Variants in TNFAIP8 observed in about 807,000 individuals in gnomAD.
TNFAIP8 encodes the protein TNF alpha induced protein 8.
A neutral mutation model predicts 13.3 loss-of-function variants in TNFAIP8; 7 were observed. The ratio of observed to expected loss-of-function variants is 0.52; its 90% CI spans 0.30 to 0.99. The LOEUF is 0.99. Ranked by LOEUF, TNFAIP8 falls within the 50% of genes least tolerant of loss-of-function variation. The pLI is 0.07. For missense variants in TNFAIP8, 258 were observed against 236.9 expected, an observed-to-expected ratio of 1.09 and a Z score of -0.58; for synonymous variants, 94 against 87.6, an observed-to-expected ratio of 1.07 and a Z score of -0.41.
intron 1 of TNFAIP8, among the ~76,000 whole-genome samples, chr5:119,270,935 G>A (rs1238550532): frequency 6.6e-6 from 1 of 152,210 alleles, no homozygotes; most frequent in East Asian, 1.9e-4. Context: ...CTTTTACTCC[G>A]TGTACCTTTT....
At position 119,393,225 on chromosome 5, in the gene TNFAIP8, C is replaced by G; in HGVS notation, c.441C>G (p.Leu147=). The change falls in exon 2 of 2, where the codon CTC becomes CTG. Residue 147 remains leucine, a synonymous_variant. Transcript: ENST00000504771. ...TGCACCAAATCATTCAGCGCCACCT[C>G]ACTGCCAAGTCACATGGACGGGTTA... ...EMLHQIIQRH[L]TAKSHGRVNN... The G allele has an allele frequency of 6.2e-7, 1 of 1,614,036 alleles. No individual in the cohort carries two copies.
chr5:119,297,691 A>G (rs1485888816), intron 1 of TNFAIP8, among the ~76,000 whole-genome samples: 1 of 152,098 alleles, frequency 6.6e-6, no homozygotes, highest in Non-Finnish European at 1.5e-5. Context: ...GATCTGTCTA[A>G]TGTTGACAGT....
chr5:119,291,404 T>G, intron 1 of TNFAIP8, among the ~76,000 whole-genome samples: 1 of 152,270 alleles, frequency 6.6e-6, no homozygotes, highest in Non-Finnish European at 1.5e-5. Context: ...AGGGAGCAAT[T>G]GCAGTGGATT....
At chr5:119,387,390 C>T (rs1013089783) in intron 1 of TNFAIP8, among the ~76,000 whole-genome samples, 5 of 152,110 alleles carry the variant, frequency 3.3e-5, no homozygotes, top group Admixed American at 6.6e-5. Context: ...AAACCTGGAT[C>T]GAGTTTTAAC....
At chr5:119,296,060 T>G (rs1447016132) in intron 1 of TNFAIP8, among the ~76,000 whole-genome samples, 4 of 147,098 alleles carry the variant, frequency 2.7e-5, no homozygotes, top group East Asian at 2.0e-4. Flanking sequence ...TATACAATCA[T>G]GTCATCTGCA....
rs542324685 is a variant in TNFAIP8 at position 119,344,181 on chromosome 5, G to A, written c.2-48635G>A. ...TGATTCTGCAGGCTATGCAAGCATG[G>A]CACCAGCATCTGCTCAGTTTCTGTT... On this transcript the variant is annotated intron_variant, in intron 1 of 1. Coordinates refer to the TNFAIP8 transcript ENST00000274456. Among the ~76,000 whole-genome samples the A allele has an allele frequency of 2.2e-4, 33 of 152,318 alleles. No homozygotes were observed. The East Asian group carries it at 5.6e-3, about 26-fold the overall frequency.
chr5:119,333,103 GTTT>G, intron 1 of TNFAIP8: 2 of 624,432 alleles, frequency 3.2e-6, no homozygotes, highest in Non-Finnish European at 3.9e-6. Flanking sequence ...CTTTTTTTTA[GTTT>G]TTTTTTTTTT....
At chr5:119,391,416 A>G (rs1318240712) in intron 1 of TNFAIP8, 3 of 702,416 alleles carry the variant, frequency 4.3e-6, no homozygotes, top group South Asian at 1.5e-5. Flanking sequence ...CACTCGACTC[A>G]GAGATTGAGT....
In TNFAIP8 at chr5:119,397,067, T is replaced by G. The variant is rs1753090825; in HGVS notation, c.*3686T>G. ...ACAGAAATATTGCGTTTTAAACTCT[T>G]ATATAATAGTATGCCATTCACAATT... is the stretch of plus-strand genomic sequence containing the variant. On this transcript the variant is annotated 3_prime_UTR_variant, in exon 2 of 2. Transcript: ENST00000504771. 1 of 151,428 alleles carries G rather than the reference T, an allele frequency of 6.6e-6. No individual in the cohort carries two copies. Among genetic ancestry groups the G allele is most frequent in the Non-Finnish European group, 1.5e-5 (1 of 67,908 alleles). 9.4% of individuals were successfully genotyped at this position (151,428 alleles called of 1,614,324 possible).
Position 119,392,871 on chromosome 5 carries a change from C to T in TNFAIP8, c.87C>T (p.Ile29=), listed in dbSNP as rs909388946. The T allele has an allele frequency of 6.4e-7, 1 of 1,569,812 alleles. No homozygotes were observed. Among genetic ancestry groups the T allele is most frequent in the Non-Finnish European group, 8.6e-7 (1 of 1,157,852 alleles). The change falls in exon 2 of 2, where the codon ATC becomes ATT. Residue 29 remains isoleucine, a synonymous_variant. Transcript: ENST00000504771. ...KNLAVQAQKK[I]LGKMVSKSIA... ...TGGCCGTTCAGGCACAAAAGAAGAT[C>T]TTGGGTAAAATGGTGTCCAAATCCA...
chr5:119,384,396 T>C (rs576549539), intron 1 of TNFAIP8, among the ~76,000 whole-genome samples: 4 of 152,094 alleles, frequency 2.6e-5, no homozygotes, highest in Non-Finnish European at 5.9e-5. Context: ...GGCAGGACAG[T>C]TGCTTGAAGC....
chr5:119,392,795 CCT>C lies in TNFAIP8; in HGVS notation c.32-16_32-15del. 6.7e-7 allele frequency: 1 copy of C among 1,483,594 alleles called. No homozygotes were observed. Among genetic ancestry groups the C allele is most frequent in the Non-Finnish European group, 9.0e-7 (1 of 1,111,182 alleles). 91.9% of individuals were successfully genotyped at this position (1,483,594 alleles called of 1,614,324 possible). A position where few individuals can be genotyped will look rare whatever the true frequency, so the allele number is the denominator to read the frequency against. ...ATATTTACTAATTGTTAATTCTTTT[CCT>C]CTCTTTTTTTTTTTTTAGTGGCCAC... On this transcript the variant is annotated intron_variant, in intron 1 of 1. Transcript: ENST00000504771.
intron 1 of TNFAIP8, among the ~76,000 whole-genome samples, chr5:119,368,747 C>T (rs1288517672): frequency 6.6e-6 from 1 of 152,156 alleles, no homozygotes; most frequent in Non-Finnish European, 1.5e-5. Context: ...CGGGACCCAA[C>T]TAAATTTCAT....
chr5:119,344,308 A>G (rs1270424288), intron 1 of TNFAIP8, among the ~76,000 whole-genome samples: 1 of 152,150 alleles, frequency 6.6e-6, no homozygotes, highest in Non-Finnish European at 1.5e-5. Context: ...AGGCTCTTTT[A>G]AAGAACCAGC....
Position 119,324,713 on chromosome 5 carries a change from A to G in TNFAIP8, c.1+55806A>G, listed in dbSNP as rs931506450. 3.0e-4 allele frequency among the ~76,000 whole-genome samples: 46 copies of G among 151,812 alleles called. 1 individual carries two copies. Among genetic ancestry groups the G allele is most frequent in the African/African-American group, 1.1e-3 (46 of 41,336 alleles). ...TATTACATGTTTGTGTAGTGTATTTATCAACTACAATTTGACCAATAAAAA... is the reference window on the plus strand; with the variant it reads ...TATTACATGTTTGTGTAGTGTATTTGTCAACTACAATTTGACCAATAAAAA... On this transcript the variant is annotated intron_variant, in intron 1 of 1. Transcript: ENST00000274456.
In TNFAIP8 at chr5:119,356,090, T is replaced by C. The variant is rs755538995; in HGVS notation, c.-1T>C. 6.3e-7 allele frequency: 1 copy of C among 1,586,768 alleles called. No homozygotes were observed. The highest frequency in any genetic ancestry group is 2.3e-5 in the East Asian group (1 of 43,556). ...CCCCTGCAGCTGGTTATCCTGACAT[T>C]ATGCACTCCGAAGCAGAAGAATCCA... On this transcript the variant is annotated 5_prime_UTR_variant, in exon 1 of 2. Transcript: ENST00000504771.
intron 1 of TNFAIP8, among the ~76,000 whole-genome samples, chr5:119,271,796 C>T (rs1417597638): frequency 6.6e-6 from 1 of 152,210 alleles, no homozygotes; most frequent in Non-Finnish European, 1.5e-5. Context: ...TTTATCACCT[C>T]ACCCCTCCTC....
intron 1 of TNFAIP8, chr5:119,391,455 C>T (rs1410755994): frequency 1.4e-6 from 1 of 701,882 alleles, no homozygotes; most frequent in Middle Eastern, 2.3e-4. Context: ...AGTTCTTAAG[C>T]CTTAGGAGAA....
At chr5:119,376,957 T>C (rs528559027) in intron 1 of TNFAIP8, among the ~76,000 whole-genome samples, 1 of 152,316 alleles carries the variant, frequency 6.6e-6, no homozygotes, top group African/African-American at 2.4e-5. Flanking sequence ...CCCCCTCCCA[T>C]ACACACATTT....
Sources: gnomAD v4.1 joint callset for allele counts (sites outside exome capture counted in the v4.1 genomes callset) on GRCh38, gnomAD v4.1.1 for gene constraint, MANE v1.5 for transcripts, NCBI Gene and HGNC (gene_info 2026-07-23, HGNC 2026-07-21) for gene names.